Variants in GNA14 observed in about 807,000 individuals in gnomAD.
GNA14 encodes G protein subunit alpha 14.
GNA14 carries 50 observed loss-of-function variants against 42.0 expected under a neutral mutation model. That is an observed-to-expected ratio of 1.19 (90% CI 0.95 to 1.51). The LOEUF is 1.51. Among genes scored for constraint, GNA14 ranks in the 40% most tolerant of loss-of-function variants. The pLI, the probability that GNA14 is intolerant of heterozygous loss-of-function variation, is 0.00. For synonymous variants in GNA14, 173 were observed against 163.1 expected (o/e 1.06, Z -0.46); for missense variants, 473 against 446.2 (o/e 1.06, Z -0.54).
intron 1 of GNA14, among the ~76,000 whole-genome samples, chr9:77,591,855 G>A (rs918973902): frequency 6.6e-6 from 1 of 151,724 alleles, no homozygotes; most frequent in African/African-American, 2.4e-5. Context: ...GCACCCAACA[G>A]CCTAGCTCTC....
intron 1 of GNA14, among the ~76,000 whole-genome samples, chr9:77,562,437 G>GC (rs1822899201): frequency 6.6e-6 from 1 of 152,042 alleles, no homozygotes; most frequent in Non-Finnish European, 1.5e-5. Context: ...ATGAAGGAGA[G>GC]CCACCAAGCT....
chr9:77,493,026 A>AAAATATCT (rs1554691641), intron 2 of GNA14, among the ~76,000 whole-genome samples: 4 of 51,726 alleles, frequency 7.7e-5, no homozygotes, highest in African/African-American at 4.5e-4. Flanking sequence ...AAAAAAAAAA[A>AAAATATCT]ATATATATAT....
chr9:77,519,645 C>T lies in GNA14; in HGVS notation c.309+9424G>A, dbSNP rs138999038. ...ATGAAATAAGAGACACTGGAGACTA[C>T]GTAGGGTGGGAGGTGGTGAGGGAGG... On this transcript the variant is annotated intron_variant, in intron 2 of 6. Coordinates refer to ENST00000341700, the MANE Select transcript of GNA14 (RefSeq NM_004297.4). Among the ~76,000 whole-genome samples, 324 of 152,054 alleles carry T rather than the reference C, an allele frequency of 2.1e-3. 3 individuals are homozygous for T. The highest frequency in any genetic ancestry group is 7.5e-3 in the African/African-American group (310 of 41,440).
chr9:77,435,992 C>G (rs1231544900), intron 2 of GNA14, among the ~76,000 whole-genome samples: 1 of 152,192 alleles, frequency 6.6e-6, no homozygotes, highest in African/African-American at 2.4e-5. Flanking sequence ...TAGCTGGGAT[C>G]TCAAGTGTAG....
chr9:77,629,465 G>T (rs1824061315), intron 1 of GNA14, among the ~76,000 whole-genome samples: 2 of 152,156 alleles, frequency 1.3e-5, no homozygotes, highest in Non-Finnish European at 2.9e-5. Flanking sequence ...CAACAGCAAA[G>T]ACTTGGAACC....
chr9:77,537,530 C>T (rs747308921), intron 1 of GNA14, among the ~76,000 whole-genome samples: 1 of 152,186 alleles, frequency 6.6e-6, no homozygotes, highest in African/African-American at 2.4e-5. Context: ...GTGAATAGGG[C>T]TGTGATAAAC....
Position 77,620,707 on chromosome 9 carries a change from C to T in GNA14, c.124+26963G>A, listed in dbSNP as rs140334804. On this transcript the variant is annotated intron_variant, in intron 1 of 6. Coordinates refer to ENST00000341700, the MANE Select transcript of GNA14 (RefSeq NM_004297.4). ...ACTAAAAATACAAAAATTAACCAGA[C>T]ATGGTGGTGCACACCTGTAGTCCCA... Among the ~76,000 whole-genome samples, 19 of 152,028 alleles carry T rather than the reference C, an allele frequency of 1.2e-4. No individual in the cohort carries two copies. The East Asian group carries it at 3.3e-3, about 27-fold the overall frequency.
intron 2 of GNA14, among the ~76,000 whole-genome samples, chr9:77,490,235 G>C (rs1169681596): frequency 6.6e-6 from 1 of 152,220 alleles, no homozygotes; most frequent in Non-Finnish European, 1.5e-5. Context: ...CTAAACACAG[G>C]GTGCTGATTG....
At chr9:77,636,480 C>A (rs956416636) in intron 1 of GNA14, among the ~76,000 whole-genome samples, 6 of 152,110 alleles carry the variant, frequency 3.9e-5, no homozygotes, top group Admixed American at 2.6e-4. Flanking sequence ...AAAGGAATAC[C>A]TGAGGCTGGG....
intron 1 of GNA14, among the ~76,000 whole-genome samples, chr9:77,579,261 A>T (rs969561327): frequency 5.9e-5 from 9 of 152,212 alleles, no homozygotes; most frequent in Admixed American, 1.3e-4. Flanking sequence ...GGAGTTGACA[A>T]CTGTCTTCAG....
chr9:77,477,751 T>C (rs1836456703), intron 2 of GNA14, among the ~76,000 whole-genome samples: 1 of 152,168 alleles, frequency 6.6e-6, no homozygotes, highest in African/African-American at 2.4e-5. Context: ...ATAAAACTTA[T>C]AATTATTATC....
intron 2 of GNA14, among the ~76,000 whole-genome samples, chr9:77,480,352 T>C (rs1207868700): frequency 1.3e-5 from 2 of 152,208 alleles, no homozygotes; most frequent in African/African-American, 4.8e-5. Context: ...CTGGATTATG[T>C]TTATTGATTT....
chr9:77,452,704 T>C (rs1835936144), intron 2 of GNA14, among the ~76,000 whole-genome samples: 1 of 150,716 alleles, frequency 6.6e-6, no homozygotes. Context: ...TCTGCTGTGG[T>C]CTGAAAGTTT....
chr9:77,621,430 G>A (rs997515654), intron 1 of GNA14, among the ~76,000 whole-genome samples: 2 of 152,220 alleles, frequency 1.3e-5, no homozygotes, highest in Non-Finnish European at 2.9e-5. Context: ...ATCTGGTGGT[G>A]TGTATGGGTA....
At chr9:77,588,705 C>A (rs2117880518) in intron 1 of GNA14, among the ~76,000 whole-genome samples, 1 of 152,302 alleles carries the variant, frequency 6.6e-6, no homozygotes, top group South Asian at 2.1e-4. Flanking sequence ...GCTAATCCCC[C>A]TTCTTTGTCA....
chr9:77,426,893 C>A (rs1490158825), intron 5 of GNA14, among the ~76,000 whole-genome samples: 1 of 152,058 alleles, frequency 6.6e-6, no homozygotes. Flanking sequence ...AGCACACACA[C>A]TCAAGAGGGA....
At position 77,529,060 on chromosome 9, in the gene GNA14, G is replaced by A. The variant is rs1837485569; in HGVS notation, c.309+9C>T. 6.2e-7 allele frequency: 1 copy of A among 1,612,492 alleles called. No individual in the cohort carries two copies. ...CACAAATAGGGCAAGCACTCCCTAA[G>A]CACGTTACCTTATTCTGTTCACACA... On this transcript the variant is annotated intron_variant, in intron 2 of 6. Coordinates refer to ENST00000341700, the MANE Select transcript of GNA14 (RefSeq NM_004297.4).
intron 2 of GNA14, among the ~76,000 whole-genome samples, chr9:77,514,637 A>G (rs946301461): frequency 5.6e-5 from 8 of 141,864 alleles, no homozygotes; most frequent in African/African-American, 1.6e-4. Context: ...TTTTTGAGAC[A>G]GAGTCTCACT....
chr9:77,520,952 G>T (rs1305190287), intron 2 of GNA14, among the ~76,000 whole-genome samples: 1 of 152,182 alleles, frequency 6.6e-6, no homozygotes, highest in Admixed American at 6.5e-5. Flanking sequence ...CAGGCTTAAA[G>T]GGTAGTGGGT....
Sources: gnomAD v4.1 joint callset for allele counts (sites outside exome capture counted in the v4.1 genomes callset) on GRCh38, gnomAD v4.1.1 for gene constraint, MANE v1.5 for transcripts, NCBI Gene and HGNC (gene_info 2026-07-23, HGNC 2026-07-21) for gene names.